C18orf54: variants seen among roughly 807,000 people sequenced by gnomAD.
C18orf54 encodes chromosome 18 open reading frame 54.
A neutral mutation model predicts 49.3 loss-of-function variants in C18orf54; 49 were observed. The observed-to-expected ratio is 0.99, with a 90% CI of 0.79 to 1.26. C18orf54 has a LOEUF of 1.26. C18orf54 is among the 50% of genes most tolerant of loss of function. C18orf54 has a pLI of 0.00. For synonymous variants in C18orf54, 211 were observed against 216.6 expected (o/e 0.97, Z 0.23); for missense variants, 687 against 620.6 (o/e 1.11, Z -1.14).
intron 1 of C18orf54, among the ~76,000 whole-genome samples, chr18:54,358,355 C>T (rs2089189501): frequency 6.6e-6 from 1 of 152,188 alleles, no homozygotes; most frequent in African/African-American, 2.4e-5. Flanking sequence ...GGACCTGAGG[C>T]GGCGACAGGA....
chr18:54,369,901 T>C (rs2089454927), intron 6 of C18orf54, among the ~76,000 whole-genome samples: 2 of 131,310 alleles, frequency 1.5e-5, no homozygotes, highest in African/African-American at 5.9e-5. Flanking sequence ...GCTAGTTGGT[T>C]CATTTGTCTT....
chr18:54,376,574 T>G (rs889801747), intron 8 of C18orf54, among the ~76,000 whole-genome samples: 4 of 152,202 alleles, frequency 2.6e-5, no homozygotes, highest in Admixed American at 6.5e-5. Flanking sequence ...CCTCAGGTGA[T>G]CCACCCACCT....
chr18:54,363,382 A>G (rs1273700717), intron 5 of C18orf54, among the ~76,000 whole-genome samples: 2 of 151,982 alleles, frequency 1.3e-5, no homozygotes, highest in Non-Finnish European at 2.9e-5. Context: ...CAGTGGCACC[A>G]TCTGGGCTCA....
intron 6 of C18orf54, among the ~76,000 whole-genome samples, chr18:54,368,256 A>G (rs1214490858): frequency 6.6e-6 from 1 of 150,484 alleles, no homozygotes; most frequent in Non-Finnish European, 1.5e-5. Flanking sequence ...GGTTTTTCAT[A>G]TTTCTTGTGT....
In C18orf54 at chr18:54,358,844, C is replaced by G. The variant is rs2089201723; in HGVS notation, c.-73C>G. 6.6e-6 allele frequency: 1 copy of G among 152,140 alleles called. No individual in the cohort carries two copies. The highest frequency in any genetic ancestry group is 1.5e-5 in the Non-Finnish European group (1 of 68,022). 9.4% of individuals were successfully genotyped at this position (152,140 alleles called of 1,614,324 possible). Reference sequence around the variant, plus strand: ...CGTGATGGATTTTCTTTTGGAGATTCGAACTGAAGCCTGTACGGAGGAAAT... The same window carrying G: ...CGTGATGGATTTTCTTTTGGAGATTGGAACTGAAGCCTGTACGGAGGAAAT... On this transcript the variant is annotated 5_prime_UTR_variant, in exon 2 of 9. Coordinates refer to ENST00000620105, the MANE Select transcript of C18orf54 (RefSeq NM_001288980.2).
chr18:54,367,497 A>G (rs2089407512), intron 6 of C18orf54, among the ~76,000 whole-genome samples: 1 of 150,600 alleles, frequency 6.6e-6, no homozygotes, highest in Non-Finnish European at 1.5e-5. Context: ...TGCTCCATAT[A>G]GTATCTTGGC....
chr18:54,368,347 TATTTTGA>T (rs2089425298), intron 6 of C18orf54, among the ~76,000 whole-genome samples: 1 of 152,136 alleles, frequency 6.6e-6, no homozygotes, highest in South Asian at 2.1e-4. Flanking sequence ...TTAGAACAGC[TATTTTGA>T]ATTCTTTGTT....
chr18:54,374,368 G>A (rs762938318), intron 8 of C18orf54, 84 bp downstream of exon 8: 2 of 1,393,714 alleles, frequency 1.4e-6, no homozygotes, highest in Non-Finnish European at 1.9e-6. Context: ...GAAGTAAGTA[G>A]TTTTAAGAGT....
chr18:54,371,733 T>C (rs193198000), intron 6 of C18orf54, among the ~76,000 whole-genome samples: 71 of 152,290 alleles, frequency 4.7e-4, no homozygotes, highest in African/African-American at 3.4e-4. Context: ...GTAGTACTTA[T>C]GGTGCACAGT....
At chr18:54,375,253 C>T (rs116791023) in intron 8 of C18orf54, among the ~76,000 whole-genome samples, 442 of 151,878 alleles carry the variant, frequency 2.9e-3, no homozygotes, top group African/African-American at 0.01. Context: ...ATGTGATCTT[C>T]ACAACCTTAT....
intron 8 of C18orf54, among the ~76,000 whole-genome samples, chr18:54,377,478 G>A (rs993151407): frequency 1.3e-5 from 2 of 152,088 alleles, no homozygotes; most frequent in Admixed American, 6.5e-5. Context: ...TGAAATATAG[G>A]GGAGAGAAAA....
chr18:54,365,804 C>G lies in C18orf54; in HGVS notation c.1309C>G (p.Leu437Val). 6.4e-7 allele frequency: 1 copy of G among 1,571,848 alleles called. No homozygotes were observed. Among genetic ancestry groups the G allele is most frequent in the East Asian group, 2.3e-5 (1 of 44,334 alleles). Residue 437 changes from leucine (L) to valine (V), a missense_variant, in exon 6 of 9, where the codon CTA becomes GTA. By Grantham distance (32) the Leu-to-Val change is conservative. Coordinates refer to ENST00000620105, the MANE Select transcript of C18orf54 (RefSeq NM_001288980.2). ...KSAKGVLEDFLNNDNQSCTLS... is the reference protein window; with the variant it reads ...KSAKGVLEDFVNNDNQSCTLS... ...TGCTAAAGGGGTTCTTGAAGACTTT[C>G]TAAATAATGATAATCAGGTGGGTGA... is the stretch of plus-strand genomic sequence containing the variant.
chr18:54,381,080 A>C lies in C18orf54; in HGVS notation c.*2834A>C, dbSNP rs1271238568. ...CATGCCTAATTAAATGTTGCGTTGG[A>C]TTGCAGTGCCTATCATACAGTGATT... is the stretch of plus-strand genomic sequence containing the variant. On this transcript the variant is annotated 3_prime_UTR_variant, in exon 9 of 9. Coordinates refer to ENST00000620105, the MANE Select transcript of C18orf54 (RefSeq NM_001288980.2). 3.9e-5 allele frequency: 6 copies of C among 152,266 alleles called. No homozygotes were observed. In the East Asian group the frequency reaches 1.2e-3, roughly 29 times the overall value. The allele number at this position is 152,266 out of a possible 1,614,324, so 9.4% of individuals were successfully genotyped here.
In C18orf54 at chr18:54,380,854, C is replaced by G. The variant is rs954256885; in HGVS notation, c.*2608C>G. On this transcript the variant is annotated 3_prime_UTR_variant, in exon 9 of 9. Transcript: ENST00000620105. ...ATTTGAATTTTTGTTTCATTTTTTT[C>G]TGTCCCACCCTTCACTCTCTCTGTT... The G allele has an allele frequency of 2.6e-5, 4 of 151,984 alleles. No homozygotes were observed. Among genetic ancestry groups the G allele is most frequent in the African/African-American group, 9.7e-5 (4 of 41,400 alleles). 9.4% of individuals were successfully genotyped at this position (151,984 alleles called of 1,614,324 possible). A position where few individuals can be genotyped will look rare whatever the true frequency, so the allele number is the denominator to read the frequency against.
rs751443070 is a variant in C18orf54 at position 54,362,246 on chromosome 18, C to T, written c.887C>T (p.Ala296Val). 1 of 1,536,462 alleles carries T rather than the reference C, an allele frequency of 6.5e-7. No individual in the cohort carries two copies. The highest frequency in any genetic ancestry group is 1.4e-5 in the African/African-American group (1 of 73,170). Residue 296 changes from alanine to valine, a missense_variant, in exon 4 of 9, where the codon GCA (alanine) becomes GTA (valine). Ala to Val is a moderately conservative substitution (Grantham distance 64). Coordinates refer to ENST00000620105, the MANE Select transcript of C18orf54 (RefSeq NM_001288980.2). Reference protein sequence around the residue: ...DQCSPRHSHQAQGTSRLINKL... With the variant: ...DQCSPRHSHQVQGTSRLINKL... ...TGTTCCCCTAGACATAGTCATCAGG[C>T]ACAAGGAACTTCTCGGCTTATCAAT...
In C18orf54 at chr18:54,378,166, T is replaced by A. The variant is rs775707183; in HGVS notation, c.1530-8T>A. The A allele has an allele frequency of 1.2e-6, 2 of 1,610,484 alleles. No homozygotes were observed. Among genetic ancestry groups the A allele is most frequent in the South Asian group, 2.2e-5 (2 of 90,486 alleles). The stretch of plus-strand genomic sequence containing the variant: ...GGTTTATAATGTGTTTTATACTTTT[T>A]AATGAAGGGCTTTGCACCATTTATC... On this transcript the variant is annotated splice_region_variant and splice_polypyrimidine_tract_variant and intron_variant, in intron 8 of 8. Coordinates refer to ENST00000620105, the MANE Select transcript of C18orf54 (RefSeq NM_001288980.2).
At chr18:54,370,957 T>C (rs1433528084) in intron 6 of C18orf54, among the ~76,000 whole-genome samples, 2 of 150,834 alleles carry the variant, frequency 1.3e-5, no homozygotes, top group Non-Finnish European at 3.0e-5. Flanking sequence ...TTTTTTTTTC[T>C]TTTTAAAATG....
chr18:54,363,311 C>T (rs2089309456), intron 5 of C18orf54, among the ~76,000 whole-genome samples: 1 of 152,034 alleles, frequency 6.6e-6, no homozygotes, highest in Non-Finnish European at 1.5e-5. Context: ...TTGTACATTT[C>T]TTTTTCTTTT....
At chr18:54,359,232 G>C (rs1000992086) in intron 2 of C18orf54, among the ~76,000 whole-genome samples, 1 of 152,214 alleles carries the variant, frequency 6.6e-6, no homozygotes, top group Non-Finnish European at 1.5e-5. Flanking sequence ...TTCAAAGACA[G>C]AAAACATTTG....
Sources: gnomAD v4.1 joint callset for allele counts (sites outside exome capture counted in the v4.1 genomes callset) on GRCh38, gnomAD v4.1.1 for gene constraint, MANE v1.5 for transcripts, NCBI Gene and HGNC (gene_info 2026-07-23, HGNC 2026-07-21) for gene names.